Variants in FSTL5 observed in about 807,000 individuals in gnomAD.
FSTL5 encodes follistatin-related protein 5.
In FSTL5, 62 loss-of-function variants were observed where a neutral mutation model predicts 89.1. That is an observed-to-expected ratio of 0.70 (90% CI 0.57 to 0.86). FSTL5 has a LOEUF of 0.86. Ranked by LOEUF, FSTL5 falls within the 40% of genes least tolerant of loss-of-function variation. FSTL5 has a pLI of 0.00. For synonymous variants in FSTL5, 383 were observed against 346.2 expected (o/e 1.11, Z -1.18); for missense variants, 1,057 against 1,001.6 (o/e 1.06, Z -0.75).
intron 2 of FSTL5, among the ~76,000 whole-genome samples, chr4:162,107,348 TG>T (rs1485089212): frequency 1.3e-5 from 2 of 152,186 alleles, no homozygotes; most frequent in African/African-American, 4.8e-5. Flanking sequence ...ACCTAATGTA[TG>T]GAATATAGCT....
intron 8 of FSTL5, among the ~76,000 whole-genome samples, chr4:161,557,029 C>G (rs1732418229): frequency 6.6e-6 from 1 of 151,090 alleles, no homozygotes; most frequent in African/African-American, 2.4e-5. Flanking sequence ...TCTACTTGTA[C>G]TTGGAAGTTC....
At chr4:162,047,866 C>G (rs1433014260) in intron 2 of FSTL5, among the ~76,000 whole-genome samples, 1 of 152,056 alleles carries the variant, frequency 6.6e-6, no homozygotes, top group Non-Finnish European at 1.5e-5. Context: ...CAACAAAAAA[C>G]TATGAGTTCG....
At chr4:161,887,437 C>T (rs1045353325) in intron 4 of FSTL5, among the ~76,000 whole-genome samples, 1,479 of 136,110 alleles carry the variant, frequency 0.011, 24 homozygotes, top group African/African-American at 0.044. Context: ...CATCTATCTA[C>T]CTATCATCTA....
chr4:161,588,695 C>G (rs1486606520), intron 7 of FSTL5, among the ~76,000 whole-genome samples: 3 of 152,088 alleles, frequency 2.0e-5, no homozygotes, highest in African/African-American at 7.2e-5. Context: ...GTGGCTGACT[C>G]TTAGTAAGAA....
intron 4 of FSTL5, among the ~76,000 whole-genome samples, chr4:161,818,651 G>T (rs1730402485): frequency 6.6e-6 from 1 of 152,154 alleles, no homozygotes; most frequent in Non-Finnish European, 1.5e-5. Flanking sequence ...GCACTGCGAT[G>T]GGGACAAGGG....
At chr4:161,805,949 T>C (rs1729951735) in intron 4 of FSTL5, among the ~76,000 whole-genome samples, 1 of 152,144 alleles carries the variant, frequency 6.6e-6, no homozygotes, top group Non-Finnish European at 1.5e-5. Flanking sequence ...TTTTATAGTA[T>C]ATTGTTACAA....
intron 10 of FSTL5, among the ~76,000 whole-genome samples, chr4:161,532,062 G>A (rs550974870): frequency 1.4e-4 from 21 of 152,002 alleles, no homozygotes; most frequent in African/African-American, 2.2e-4. Context: ...AAAATTAGCC[G>A]GGCGTGGTGG....
At chr4:161,824,235 G>A (rs1560866258) in intron 4 of FSTL5, among the ~76,000 whole-genome samples, 2 of 152,138 alleles carry the variant, frequency 1.3e-5, no homozygotes, top group Non-Finnish European at 2.9e-5. Context: ...CATGTAGCTT[G>A]CCAATTATCC....
chr4:161,630,404 G>C (rs1187107158), intron 7 of FSTL5, among the ~76,000 whole-genome samples: 3 of 152,148 alleles, frequency 2.0e-5, no homozygotes, highest in African/African-American at 7.2e-5. Context: ...GCTCTCTCCA[G>C]GTCAGCTCAA....
chr4:161,501,384 GAATA>G (rs1338228175), intron 11 of FSTL5, among the ~76,000 whole-genome samples: 2 of 151,754 alleles, frequency 1.3e-5, no homozygotes, highest in Non-Finnish European at 2.9e-5. Context: ...TGTTTCTAGG[GAATA>G]AATAGTCAAC....
chr4:162,032,712 C>A (rs1737584409), intron 3 of FSTL5: 1 of 152,084 alleles, frequency 6.6e-6, no homozygotes, highest in Non-Finnish European at 1.5e-5. Flanking sequence ...ATCTAGAGAG[C>A]CTCTGAAGTG....
chr4:161,596,406 C>T (rs973830149), intron 7 of FSTL5, among the ~76,000 whole-genome samples: 9 of 151,746 alleles, frequency 5.9e-5, no homozygotes, highest in African/African-American at 2.2e-4. Context: ...AAAACAGCTG[C>T]ATTCTCTGGT....
chr4:161,977,426 C>T (rs1318526589), intron 3 of FSTL5, among the ~76,000 whole-genome samples: 1 of 151,608 alleles, frequency 6.6e-6, no homozygotes, highest in South Asian at 2.1e-4. Flanking sequence ...TCCTGCCTAA[C>T]ACGATGAAAC....
At chr4:161,847,912 T>A (rs1731420231) in intron 4 of FSTL5, among the ~76,000 whole-genome samples, 1 of 151,564 alleles carries the variant, frequency 6.6e-6, no homozygotes, top group Non-Finnish European at 1.5e-5. Context: ...GGTGTGTGCC[T>A]GTAATCACAG....
At chr4:161,585,034 T>C (rs1244747874) in intron 8 of FSTL5, among the ~76,000 whole-genome samples, 1 of 152,164 alleles carries the variant, frequency 6.6e-6, no homozygotes, top group Admixed American at 6.5e-5. Flanking sequence ...ACTCTGTTTC[T>C]GAGACCTCAT....
At chr4:161,729,039 C>T (rs1376468889) in intron 6 of FSTL5, among the ~76,000 whole-genome samples, 1 of 152,132 alleles carries the variant, frequency 6.6e-6, no homozygotes, top group Non-Finnish European at 1.5e-5. Context: ...TCTGGAAGCA[C>T]TGCCACAGAG....
In FSTL5 at chr4:161,791,307, CA is replaced by C. The variant is rs200106889; in HGVS notation, c.410-15234del. 6.1e-3 allele frequency among the ~76,000 whole-genome samples: 931 copies of C among 152,210 alleles called. 19 individuals are homozygous for C. The highest frequency in any genetic ancestry group is 0.038 in the East Asian group (196 of 5,178). On this transcript the variant is annotated intron_variant, in intron 4 of 15. Transcript: ENST00000306100. ...CACACTAAGGAATAAACTTGTTTCA[CA>C]AAATACTTGTTTTTCTCCCTTTGTT...
chr4:161,475,042 T>G (rs74460263), intron 13 of FSTL5, among the ~76,000 whole-genome samples: 31 of 151,740 alleles, frequency 2.0e-4, no homozygotes, highest in African/African-American at 7.0e-4. Flanking sequence ...TTTTTTTTTT[T>G]TGTCTTGTAG....
chr4:162,101,296 G>A (rs1160542894), intron 2 of FSTL5, among the ~76,000 whole-genome samples: 4 of 152,172 alleles, frequency 2.6e-5, no homozygotes, highest in African/African-American at 7.2e-5. Context: ...ACAGCAGTCA[G>A]GGTAAGTCAA....
Sources: allele counts gnomAD v4.1 joint callset (sites outside exome capture counted in the v4.1 genomes callset), GRCh38; gene constraint gnomAD v4.1.1; transcripts MANE v1.5; gene names NCBI Gene and HGNC (gene_info 2026-07-23, HGNC 2026-07-21).